Variants in STMN4 observed in about 807,000 individuals in gnomAD.
STMN4 encodes stathmin 4.
STMN4 carries 12 observed loss-of-function variants against 29.1 expected under a neutral mutation model. The observed-to-expected ratio is 0.41, with a 90% CI of 0.26 to 0.67. The LOEUF (loss-of-function observed/expected upper bound fraction) is 0.67. Among genes scored for constraint, STMN4 ranks in the 30% least tolerant of loss-of-function variants. The pLI is 0.30. For synonymous variants in STMN4, 114 were observed against 105.3 expected, an observed-to-expected ratio of 1.08 and a Z score of -0.51; for missense variants, 181 against 262.8, an observed-to-expected ratio of 0.69 and a Z score of 2.15.
chr8:27,245,597 C>T (rs55637251), intron 1 of STMN4, among the ~76,000 whole-genome samples: 8,025 of 152,330 alleles, frequency 0.053, 468 homozygotes, highest in African/African-American at 0.14. Flanking sequence ...CATGCGACTT[C>T]CCTGGTCATG....
chr8:27,236,895 G>T lies in STMN4; in HGVS notation c.602C>A (p.Ala201Asp), dbSNP rs1408928637. Residue 201 changes from alanine (A) to aspartate (D), a missense_variant, in exon 7 of 7, where the codon GCC (alanine) becomes GAC (aspartate). Ala to Asp is a moderately radical substitution (Grantham distance 126). Coordinates refer to ENST00000350889, the MANE Select transcript of STMN4 (RefSeq NM_030795.4). Reference protein sequence around the residue: ...LERLQEKDKHAEEVRKNKELK... With the variant: ...LERLQEKDKHDEEVRKNKELK... ...CTCCTTGTTTTTCCGCACCTCCTCG[G>T]CGTGCTTGTCCTGGAAAGGAAGGGA... The T allele has an allele frequency of 6.2e-7, 1 of 1,607,880 alleles. No individual in the cohort carries two copies.
At chr8:27,257,258 G>T (rs557853442) in intron 1 of STMN4, among the ~76,000 whole-genome samples, 1 of 152,214 alleles carries the variant, frequency 6.6e-6, no homozygotes, top group South Asian at 2.1e-4. Context: ...CTCCCCCTGG[G>T]AGGCGGGGGC....
intron 1 of STMN4, among the ~76,000 whole-genome samples, chr8:27,252,860 T>C (rs1253780180): frequency 1.3e-5 from 2 of 152,230 alleles, no homozygotes; most frequent in Non-Finnish European, 2.9e-5. Flanking sequence ...AAATACCCCA[T>C]ATCAGCCTCC....
intron 2 of STMN4, among the ~76,000 whole-genome samples, 186 bp downstream of exon 2, chr8:27,243,525 G>C (rs951986791): frequency 6.6e-6 from 1 of 151,674 alleles, no homozygotes; most frequent in African/African-American, 2.4e-5. Context: ...GTCGCCTGTG[G>C]TGACAGGCAG....
chr8:27,248,260 C>T (rs1801685924), intron 1 of STMN4, among the ~76,000 whole-genome samples: 1 of 152,108 alleles, frequency 6.6e-6, no homozygotes, highest in Non-Finnish European at 1.5e-5. Context: ...AATTCTGTGC[C>T]AAGCCCTCTG....
In STMN4 at chr8:27,241,129, G is replaced by A; in HGVS notation, c.324C>T (p.Ala108=). 1 of 1,614,220 alleles carries A rather than the reference G, an allele frequency of 6.2e-7. No individual in the cohort carries two copies. Among genetic ancestry groups the A allele is most frequent in the Non-Finnish European group, 8.5e-7 (1 of 1,180,046 alleles). Residue 108 remains alanine, a synonymous_variant, in exon 5 of 7, where the codon GCC becomes GCT. Transcript: ENST00000350889. ...PSFDGVPEFN[A]SLPRRRDPSL... ...ATGGGTCTCGCCGCCTTGGCAGGGA[G>A]GCGTTGAACTCGGGAACCCCATCAA...
chr8:27,251,262 A>G (rs966117113), intron 1 of STMN4, among the ~76,000 whole-genome samples: 13 of 149,218 alleles, frequency 8.7e-5, no homozygotes, highest in Non-Finnish European at 1.8e-4. Context: ...CAAAAAATAA[A>G]TATATATATA....
chr8:27,257,535 C>T (rs549797621), intron 1 of STMN4, among the ~76,000 whole-genome samples: 1 of 151,408 alleles, frequency 6.6e-6, no homozygotes, highest in South Asian at 2.1e-4. Context: ...TTCAGGACAA[C>T]AAGACTCCAC....
In STMN4 at chr8:27,243,762, C is replaced by T. The variant is rs3739214; in HGVS notation, c.-39G>A. The T allele has an allele frequency of 0.12, 188,146 of 1,613,980 alleles. 13,593 individuals are homozygous for T. Among genetic ancestry groups the T allele is most frequent in the Admixed American group, 0.3 (18,213 of 60,000 alleles). On this transcript the variant is annotated 5_prime_UTR_variant, in exon 2 of 7. Coordinates refer to ENST00000350889, the MANE Select transcript of STMN4 (RefSeq NM_030795.4). ...GGTGGCTGAATCTAGCTGAAAGTTA[C>T]AGAGTGGGTCTGTCACCAGCTTGGG...
In STMN4 at chr8:27,236,810, T is replaced by C; in HGVS notation, c.*36A>G. On this transcript the variant is annotated 3_prime_UTR_variant, in exon 7 of 7. Coordinates refer to ENST00000350889, the MANE Select transcript of STMN4 (RefSeq NM_030795.4). ...CTGGAACGTGGAGCTGCTGGAGCTGTCCGGCTGACCTGGAAAGTTCTTTGG... is the reference window on the plus strand; with the variant it reads ...CTGGAACGTGGAGCTGCTGGAGCTGCCCGGCTGACCTGGAAAGTTCTTTGG... 1 of 1,568,140 alleles carries C rather than the reference T, an allele frequency of 6.4e-7. No homozygotes were observed. The highest frequency in any genetic ancestry group is 8.6e-7 in the Non-Finnish European group (1 of 1,159,434).
intron 3 of STMN4, 81 bp from the exon 4 acceptor site, chr8:27,241,838 TA>T: frequency 1.3e-6 from 2 of 1,543,414 alleles, no homozygotes; most frequent in Non-Finnish European, 9.0e-7. Context: ...TCTCTGCTTC[TA>T]ACCAGGACAT....
At chr8:27,254,087 G>C (rs1026970818) in intron 1 of STMN4, among the ~76,000 whole-genome samples, 4 of 152,290 alleles carry the variant, frequency 2.6e-5, no homozygotes, top group Admixed American at 2.6e-4. Context: ...CCGGCCCATG[G>C]TATGTTTCTT....
rs189420636 is a variant in STMN4 at position 27,254,380 on chromosome 8, G to A, written c.-79+3971C>T. 8.5e-5 allele frequency among the ~76,000 whole-genome samples: 13 copies of A among 152,218 alleles called. No homozygotes were observed. In the East Asian group the frequency reaches 2.3e-3, roughly 27 times the overall value. Reference sequence around the variant, plus strand: ...CCTTTCTCTGGATTCATATTCTCCAGTTTGTTATCCAAACTCTCGAGTTGC... The same window carrying A: ...CCTTTCTCTGGATTCATATTCTCCAATTTGTTATCCAAACTCTCGAGTTGC... On this transcript the variant is annotated intron_variant, in intron 1 of 6. Coordinates refer to ENST00000350889, the MANE Select transcript of STMN4 (RefSeq NM_030795.4).
chr8:27,243,492 A>C (rs1586009367), intron 2 of STMN4, among the ~76,000 whole-genome samples: 2 of 150,594 alleles, frequency 1.3e-5, no homozygotes. Context: ...GCTGTGACAC[A>C]CCCCCCACCA....
chr8:27,255,424 T>C (rs1454732697), intron 1 of STMN4, among the ~76,000 whole-genome samples: 3 of 152,158 alleles, frequency 2.0e-5, no homozygotes, highest in Non-Finnish European at 4.4e-5. Context: ...TATAAAGATA[T>C]CAGAGGGGGC....
chr8:27,239,114 C>T, intron 6 of STMN4: 1 of 1,294,992 alleles, frequency 7.7e-7, no homozygotes, highest in South Asian at 1.5e-5. Context: ...GCTCCAGGGC[C>T]TACGCAACAT....
Position 27,235,722 on chromosome 8 carries a change from T to C in STMN4, c.*1124A>G, listed in dbSNP as rs1399578327. ...AGGTGAGATCATGAGGACTCCACCT[T>C]CATGAATGGGATTAGTGCCTTAAAG... On this transcript the variant is annotated 3_prime_UTR_variant, in exon 7 of 7. Coordinates refer to ENST00000350889, the MANE Select transcript of STMN4 (RefSeq NM_030795.4). 7 of 152,196 alleles carry C rather than the reference T, an allele frequency of 4.6e-5. No homozygotes were observed. The highest frequency in any genetic ancestry group is 1.7e-4 in the African/African-American group (7 of 41,430). 9.4% of individuals were successfully genotyped at this position (152,196 alleles called of 1,614,324 possible). A position where few individuals can be genotyped will look rare whatever the true frequency, so the allele number is the denominator to read the frequency against.
chr8:27,244,819 G>T (rs1433119318), intron 1 of STMN4, among the ~76,000 whole-genome samples: 2 of 152,174 alleles, frequency 1.3e-5, no homozygotes, highest in Admixed American at 1.3e-4. Flanking sequence ...GAGGGGTGGA[G>T]GTGATGGGAG....
intron 1 of STMN4, among the ~76,000 whole-genome samples, chr8:27,251,633 T>C (rs1801788468): frequency 1.3e-5 from 2 of 152,138 alleles, no homozygotes; most frequent in African/African-American, 4.8e-5. Context: ...AAATTCTATG[T>C]AACAGAAAAA....
Sources: gnomAD v4.1 joint callset for allele counts (sites outside exome capture counted in the v4.1 genomes callset) on GRCh38, gnomAD v4.1.1 for gene constraint, MANE v1.5 for transcripts, NCBI Gene and HGNC (gene_info 2026-07-23, HGNC 2026-07-21) for gene names.